The following PPP3CB variants were observed in gnomAD, a reference collection of about 807,000 sequenced individuals.
PPP3CB encodes serine/threonine-protein phosphatase 2B catalytic subunit beta isoform.
In PPP3CB, 8 loss-of-function variants were observed where a neutral mutation model predicts 66.4. That is an observed-to-expected ratio of 0.12 (90% CI 0.07 to 0.22). The LOEUF is 0.22. Among genes scored for constraint, PPP3CB ranks in the 10% least tolerant of loss-of-function variants. The probability of loss-of-function intolerance (pLI) is 1.00; values close to 1 mark genes in which losing one functional copy is unlikely to be tolerated. For missense variants in PPP3CB, 319 were observed against 642.5 expected (o/e 0.50, Z 5.44); for synonymous variants, 208 against 221.2 (o/e 0.94, Z 0.53).
Position 73,474,944 on chromosome 10 carries a change from A to G in PPP3CB, c.498T>C (p.Thr166=), listed in dbSNP as rs200804077. 6.2e-7 allele frequency: 1 copy of G among 1,614,008 alleles called. No homozygotes were observed. The highest frequency in any genetic ancestry group is 1.3e-5 in the African/African-American group (1 of 75,070). ...ATTCCTGCTTAAAGGTAAAATATTC[A>G]GTAAGGTGTCTGCATTCATGGTTGC... ...LRGNHECRHL[T]EYFTFKQECK... The change falls in exon 4 of 14, where the codon ACT becomes ACC. Residue 166 remains threonine (T), a synonymous_variant. Transcript: ENST00000360663.
At chr10:73,479,592 A>G (rs1003441472) in intron 1 of PPP3CB, 75 bp from the exon 2 acceptor site, 4 of 1,367,408 alleles carry the variant, frequency 2.9e-6, no homozygotes, top group Admixed American at 4.5e-5. Flanking sequence ...TTGGATCTAG[A>G]TAAGACTAAA....
chr10:73,483,581 G>T (rs1446809892), intron 1 of PPP3CB, among the ~76,000 whole-genome samples: 2 of 151,914 alleles, frequency 1.3e-5, no homozygotes, highest in Middle Eastern at 6.8e-3. Context: ...CGCTTGAACC[G>T]AAGAGGTGAA....
rs1213117450 is a variant in PPP3CB, at chr10:73,471,610, T to C, written c.527A>G (p.Lys176Arg). The C allele has an allele frequency of 1.3e-6, 2 of 1,584,988 alleles. No homozygotes were observed. Among genetic ancestry groups the C allele is most frequent in the Non-Finnish European group, 1.7e-6 (2 of 1,169,692 alleles). Reference protein sequence around the residue: ...TEYFTFKQECKIKYSERVYEA... With the variant: ...TEYFTFKQECRIKYSERVYEA... ...ATAGACTCTTTCCGAATACTTAATTTTACCTAGAAAAACAAAAAACTAATT... is the reference window on the plus strand; with the variant it reads ...ATAGACTCTTTCCGAATACTTAATTCTACCTAGAAAAACAAAAAACTAATT... Residue 176 changes from lysine (K) to arginine (R), a missense_variant, in exon 5 of 14, where the codon AAA becomes AGA. Lys to Arg is a conservative substitution (Grantham distance 26, BLOSUM62 2). Transcript: ENST00000360663.
In PPP3CB at chr10:73,437,924, G is replaced by A. The variant is rs1249078236; in HGVS notation, c.*318C>T. 4.3e-6 allele frequency: 1 copy of A among 234,586 alleles called. No individual in the cohort carries two copies. Among genetic ancestry groups the A allele is most frequent in the Non-Finnish European group, 8.1e-6 (1 of 122,886 alleles). 14.5% of individuals were successfully genotyped at this position (234,586 alleles called of 1,614,324 possible). A position where few individuals can be genotyped will look rare whatever the true frequency, so the allele number is the denominator to read the frequency against. ...AAACAAAATCTAATTCTACTGAAGG[G>A]GAAAAGAAATCTGATTTGTAAACTT... On this transcript the variant is annotated 3_prime_UTR_variant, in exon 14 of 14. Coordinates refer to ENST00000360663, the MANE Select transcript of PPP3CB (RefSeq NM_021132.4).
chr10:73,447,908 CA>C (rs568585890), intron 10 of PPP3CB, among the ~76,000 whole-genome samples: 1 of 149,254 alleles, frequency 6.7e-6, no homozygotes, highest in African/African-American at 2.5e-5. Context: ...AAAAAAACCA[CA>C]AAAAAACCCC....
chr10:73,459,422 C>G (rs2056484794), intron 9 of PPP3CB, among the ~76,000 whole-genome samples: 1 of 152,346 alleles, frequency 6.6e-6, no homozygotes, highest in South Asian at 2.1e-4. Flanking sequence ...GGAGACGGAG[C>G]TTGCAGTGAG....
At chr10:73,482,927 T>C (rs1443997741) in intron 1 of PPP3CB, among the ~76,000 whole-genome samples, 1 of 152,106 alleles carries the variant, frequency 6.6e-6, no homozygotes, top group Non-Finnish European at 1.5e-5. Flanking sequence ...CTAGATGATA[T>C]ATACTTCCTA....
chr10:73,482,898 G>A (rs774472192), intron 1 of PPP3CB, among the ~76,000 whole-genome samples: 8 of 152,112 alleles, frequency 5.3e-5, no homozygotes, highest in African/African-American at 9.7e-5. Context: ...GATTACAAGC[G>A]TCAGCCACTG....
intron 8 of PPP3CB, among the ~76,000 whole-genome samples, chr10:73,469,536 T>A (rs2056671412): frequency 6.6e-6 from 1 of 152,172 alleles, no homozygotes; most frequent in Non-Finnish European, 1.5e-5. Flanking sequence ...AGCGAGACCC[T>A]GTCTAGAGAG....
chr10:73,488,127 C>T (rs1343578097), intron 1 of PPP3CB, among the ~76,000 whole-genome samples: 1 of 152,046 alleles, frequency 6.6e-6, no homozygotes, highest in Non-Finnish European at 1.5e-5. Flanking sequence ...GTTGCTTCTC[C>T]AGGGGTTTCA....
At chr10:73,472,680 A>G (rs1459117418) in intron 4 of PPP3CB, among the ~76,000 whole-genome samples, 1 of 152,114 alleles carries the variant, frequency 6.6e-6, no homozygotes, top group Non-Finnish European at 1.5e-5. Flanking sequence ...CATCACAACA[A>G]AATTCAAGGT....
chr10:73,454,327 T>C (rs1258970497), intron 10 of PPP3CB, 85 bp downstream of exon 10: 28 of 854,684 alleles, frequency 3.3e-5, no homozygotes, highest in Non-Finnish European at 1.1e-5. Context: ...TGACTATTTT[T>C]TGCAAAATAG....
chr10:73,471,708 C>T, intron 4 of PPP3CB, 95 bp from the exon 5 acceptor site: 1 of 972,998 alleles, frequency 1.0e-6, no homozygotes, highest in Non-Finnish European at 1.5e-6. Flanking sequence ...CTTGTTCTCT[C>T]CCCTCCTTTA....
At chr10:73,472,481 C>G (rs981984743) in intron 4 of PPP3CB, among the ~76,000 whole-genome samples, 9 of 142,508 alleles carry the variant, frequency 6.3e-5, no homozygotes, top group Admixed American at 4.3e-4. Context: ...GGCGACAGAG[C>G]AAGACTCTGT....
chr10:73,459,380 G>A (rs1365643818), intron 9 of PPP3CB, among the ~76,000 whole-genome samples: 1 of 152,226 alleles, frequency 6.6e-6, no homozygotes, highest in African/African-American at 2.4e-5. Context: ...CAGCTACTCA[G>A]GAGGCTGAGG....
At chr10:73,487,414 G>A (rs996405713) in intron 1 of PPP3CB, among the ~76,000 whole-genome samples, 1 of 151,786 alleles carries the variant, frequency 6.6e-6, no homozygotes, top group African/African-American at 2.4e-5. Context: ...GGGGCGTGGT[G>A]GCAGATGCCT....
Position 73,463,075 on chromosome 10 carries a change from T to C in PPP3CB, c.1108+4478A>G, listed in dbSNP as rs545670710. Among the ~76,000 whole-genome samples the C allele has an allele frequency of 8.5e-4, 129 of 152,042 alleles. No homozygotes were observed. The South Asian group carries it at 0.015, about 17-fold the overall frequency. On this transcript the variant is annotated intron_variant, in intron 9 of 13. Coordinates refer to ENST00000360663, the MANE Select transcript of PPP3CB (RefSeq NM_021132.4). Reference sequence around the variant, plus strand: ...GGTTGTTGTAACAAGAGTTTTCTCATTGGAGTGTGTTAATGGCACTATCTT... The same window carrying C: ...GGTTGTTGTAACAAGAGTTTTCTCACTGGAGTGTGTTAATGGCACTATCTT...
chr10:73,469,351 T>G (rs1449439896), intron 8 of PPP3CB, among the ~76,000 whole-genome samples: 2 of 152,188 alleles, frequency 1.3e-5, no homozygotes, highest in Non-Finnish European at 2.9e-5. Context: ...AAGACAAGCC[T>G]GGTGAACATG....
At chr10:73,477,968 T>C (rs2056818645) in intron 3 of PPP3CB, among the ~76,000 whole-genome samples, 1 of 151,976 alleles carries the variant, frequency 6.6e-6, no homozygotes, top group Non-Finnish European at 1.5e-5. Context: ...CCATCTACTG[T>C]TAAGTGATAA....
Sources: gnomAD v4.1 joint callset for allele counts (sites outside exome capture counted in the v4.1 genomes callset) on GRCh38, gnomAD v4.1.1 for gene constraint, MANE v1.5 for transcripts, NCBI Gene and HGNC (gene_info 2026-07-23, HGNC 2026-07-21) for gene names.